RIN2: variants seen among roughly 807,000 people sequenced by gnomAD.
RIN2 encodes the protein Ras and Rab interactor 2, also known as RAB5 interacting protein 2.
In RIN2, 36 loss-of-function variants were observed where a neutral mutation model predicts 78.0. That is an observed-to-expected ratio of 0.46 (90% CI 0.35 to 0.61). The LOEUF is 0.61. Among genes scored for constraint, RIN2 ranks in the 20% least tolerant of loss-of-function variants. The pLI is 0.00. For missense variants in RIN2, 1,087 were observed against 1,159.7 expected (o/e 0.94, Z 0.91); for synonymous variants, 466 against 466.8 (o/e 1.00, Z 0.02).
chr20:19,843,454 A>C (rs2036642083), intron 2 of RIN2, among the ~76,000 whole-genome samples: 1 of 152,232 alleles, frequency 6.6e-6, no homozygotes, highest in South Asian at 2.1e-4. Context: ...AGCCATCAAC[A>C]TCAAGGCAAA....
At chr20:19,928,377 G>T (rs1276244963) in intron 3 of RIN2, among the ~76,000 whole-genome samples, 3 of 152,198 alleles carry the variant, frequency 2.0e-5, no homozygotes, top group Non-Finnish European at 4.4e-5. Context: ...TGAGCCAAAA[G>T]CTGGTATGCC....
At chr20:19,825,054 G>A (rs949600591) in intron 2 of RIN2, among the ~76,000 whole-genome samples, 18 of 152,206 alleles carry the variant, frequency 1.2e-4, no homozygotes, top group Admixed American at 7.9e-4. Flanking sequence ...TCACCAGTGG[G>A]ATAACTGTGG....
chr20:19,846,907 C>T (rs2036803991), intron 2 of RIN2, among the ~76,000 whole-genome samples: 1 of 152,182 alleles, frequency 6.6e-6, no homozygotes, highest in Admixed American at 6.5e-5. Context: ...ACCAGTTACT[C>T]CATCCAGCCT....
At chr20:19,861,720 C>T (rs2037346058) in intron 2 of RIN2, among the ~76,000 whole-genome samples, 1 of 151,520 alleles carries the variant, frequency 6.6e-6, no homozygotes, top group Non-Finnish European at 1.5e-5. Context: ...GATCATCCTC[C>T]ATATCTGATG....
At chr20:19,868,105 C>T (rs1450441023) in intron 2 of RIN2, among the ~76,000 whole-genome samples, 1 of 152,224 alleles carries the variant, frequency 6.6e-6, no homozygotes, top group Non-Finnish European at 1.5e-5. Flanking sequence ...GTGAGTGTGG[C>T]CAGTTCCCTG....
At chr20:19,844,503 G>A (rs556903766) in intron 2 of RIN2, among the ~76,000 whole-genome samples, 1 of 152,212 alleles carries the variant, frequency 6.6e-6, no homozygotes, top group African/African-American at 2.4e-5. Context: ...TCAAAAACTA[G>A]GTAGTCAAGC....
At chr20:19,995,398 G>A (rs1419697141) in intron 11 of RIN2, among the ~76,000 whole-genome samples, 2 of 152,010 alleles carry the variant, frequency 1.3e-5, no homozygotes, top group Admixed American at 6.5e-5. Context: ...GACAAAGAAT[G>A]TCTCTAAATC....
intron 1 of RIN2, among the ~76,000 whole-genome samples, chr20:19,762,418 A>G (rs1432191441): frequency 1.3e-5 from 2 of 152,222 alleles, no homozygotes; most frequent in Non-Finnish European, 2.9e-5. Flanking sequence ...CAAATTTAAC[A>G]TTCATCTGCA....
chr20:19,815,881 G>A (rs1318729282), intron 2 of RIN2, among the ~76,000 whole-genome samples: 2 of 152,200 alleles, frequency 1.3e-5, no homozygotes, highest in African/African-American at 4.8e-5. Flanking sequence ...GGGAAAGTAA[G>A]AAAGCTTCCC....
chr20:19,911,973 G>GT (rs1252659999), intron 3 of RIN2, among the ~76,000 whole-genome samples: 7 of 151,928 alleles, frequency 4.6e-5, no homozygotes, highest in African/African-American at 1.5e-4. Flanking sequence ...GGCTGTCTGT[G>GT]GTTTTGATGG....
intron 8 of RIN2, among the ~76,000 whole-genome samples, chr20:19,971,337 G>A (rs1048573884): frequency 2.6e-5 from 4 of 152,032 alleles, no homozygotes; most frequent in Admixed American, 6.6e-5. Context: ...TAACCCTGCC[G>A]GGGATCCTTG....
intron 1 of RIN2, among the ~76,000 whole-genome samples, chr20:19,767,570 C>G (rs2033939526): frequency 6.6e-6 from 1 of 152,038 alleles, no homozygotes; most frequent in Non-Finnish European, 1.5e-5. Flanking sequence ...GCTTCTGAGG[C>G]CCTCATTTTG....
chr20:19,971,773 G>A (rs929840373), intron 8 of RIN2, among the ~76,000 whole-genome samples: 9 of 117,316 alleles, frequency 7.7e-5, no homozygotes, highest in Admixed American at 2.3e-4. Flanking sequence ...AGGGAGTCTC[G>A]CTCTGTCACC....
chr20:19,853,271 C>T (rs2037051892), intron 2 of RIN2, among the ~76,000 whole-genome samples: 1 of 152,086 alleles, frequency 6.6e-6, no homozygotes, highest in African/African-American at 2.4e-5. Flanking sequence ...TTTTCTTAAT[C>T]CAGTCTATCA....
chr20:19,824,068 G>A (rs2036010772), intron 2 of RIN2: 1 of 627,138 alleles, frequency 1.6e-6, no homozygotes, highest in African/African-American at 1.8e-5. Context: ...CCCAGGGACT[G>A]GTATGCACAT....
At chr20:19,950,059 C>A (rs568331770) in intron 4 of RIN2, among the ~76,000 whole-genome samples, 5 of 152,182 alleles carry the variant, frequency 3.3e-5, no homozygotes, top group Non-Finnish European at 5.9e-5. Context: ...TCCAAAGAAC[C>A]TTAACCTGGT....
chr20:19,938,385 A>T (rs982457236), intron 4 of RIN2, among the ~76,000 whole-genome samples: 2 of 148,120 alleles, frequency 1.4e-5, no homozygotes, highest in East Asian at 2.0e-4. Context: ...CACCCAGCTA[A>T]TTTTTTTTTT....
chr20:19,817,640 T>A (rs1369275161), intron 2 of RIN2, among the ~76,000 whole-genome samples: 1 of 152,226 alleles, frequency 6.6e-6, no homozygotes, highest in East Asian at 1.9e-4. Flanking sequence ...TGGATCTATT[T>A]GACTTTTTGT....
chr20:19,864,826 C>G (rs1233957195), intron 2 of RIN2, among the ~76,000 whole-genome samples: 1 of 152,198 alleles, frequency 6.6e-6, no homozygotes, highest in Admixed American at 6.5e-5. Context: ...TGGAGTTGTT[C>G]TCTACCAGAC....
Sources: allele counts gnomAD v4.1 joint callset (sites outside exome capture counted in the v4.1 genomes callset), GRCh38; gene constraint gnomAD v4.1.1; transcripts MANE v1.5; gene names NCBI Gene and HGNC (gene_info 2026-07-23, HGNC 2026-07-21).